TMPRSS2: variants seen among roughly 807,000 people sequenced by gnomAD.
TMPRSS2 encodes transmembrane serine protease 2, also known as transmembrane protease serine 2.
In TMPRSS2, 59 loss-of-function variants were observed where a neutral mutation model predicts 67.4. The observed-to-expected ratio is 0.88, with a 90% CI of 0.71 to 1.09. TMPRSS2 has a LOEUF of 1.09. Ranked by LOEUF, TMPRSS2 falls within the 50% of genes least tolerant of loss-of-function variation. The pLI, the probability that TMPRSS2 is intolerant of heterozygous loss-of-function variation, is 0.00. For synonymous variants in TMPRSS2, 257 were observed against 257.0 expected, an observed-to-expected ratio of 1.00 and a Z score of 0.00; for missense variants, 668 against 642.7, an observed-to-expected ratio of 1.04 and a Z score of -0.43.
At chr21:41,489,255 G>T (rs559363556) in intron 4 of TMPRSS2, among the ~76,000 whole-genome samples, 4 of 152,346 alleles carry the variant, frequency 2.6e-5, no homozygotes, top group African/African-American at 9.6e-5. Context: ...TGGCCCCAAG[G>T]TAGAAGAACC....
chr21:41,488,372 C>G (rs371531071), intron 5 of TMPRSS2, 22 bp downstream of exon 5: 1 of 1,604,368 alleles, frequency 6.2e-7, no homozygotes, highest in Non-Finnish European at 8.5e-7. Context: ...GGAGTCCCTT[C>G]CCAAGGTCAA....
chr21:41,492,389 C>T (rs1045683459), intron 3 of TMPRSS2, among the ~76,000 whole-genome samples: 3 of 152,278 alleles, frequency 2.0e-5, no homozygotes, highest in East Asian at 1.9e-4. Flanking sequence ...GCTGTGTGTT[C>T]GCTCCTACTC....
intron 11 of TMPRSS2, among the ~76,000 whole-genome samples, chr21:41,469,265 G>A (rs1344034095): frequency 1.3e-5 from 2 of 151,728 alleles, no homozygotes; most frequent in African/African-American, 4.8e-5. Flanking sequence ...CAGTAAGTCT[G>A]GTGGCTCTAG....
chr21:41,468,727 G>A (rs943514988), intron 11 of TMPRSS2, 189 bp from the exon 12 acceptor site: 2 of 600,836 alleles, frequency 3.3e-6, no homozygotes, highest in Non-Finnish European at 5.7e-6. Context: ...CTTACAACTG[G>A]CGGTGCCTGT....
chr21:41,508,076 C>G lies in TMPRSS2; in HGVS notation c.-57+5G>C, dbSNP rs1025974684. On this transcript the variant is annotated splice_donor_5th_base_variant and intron_variant, in intron 1 of 13. Transcript: ENST00000332149. The stretch of plus-strand genomic sequence containing the variant: ...AGCCGGGACCCTGGTACCGGCGCCG[C>G]TCACCTGCCGCGCTCCAGGCGGCGC... The G allele has an allele frequency of 3.1e-6, 4 of 1,278,510 alleles. No homozygotes were observed. Among genetic ancestry groups the G allele is most frequent in the South Asian group, 4.6e-5 (2 of 43,388 alleles). 79.2% of individuals were successfully genotyped at this position (1,278,510 alleles called of 1,614,324 possible).
intron 8 of TMPRSS2, among the ~76,000 whole-genome samples, chr21:41,475,622 TGAGTGAGGGTTGAGG>T: frequency 6.6e-5 from 1 of 15,094 alleles, no homozygotes; most frequent in Non-Finnish European, 1.6e-4. Flanking sequence ...GGTGAGGAGG[TGAGTGAGGGTTGAGG>T]GAGTGAGGAG....
intron 2 of TMPRSS2, among the ~76,000 whole-genome samples, chr21:41,496,031 T>A (rs1423349950): frequency 6.6e-6 from 1 of 152,220 alleles, no homozygotes; most frequent in Non-Finnish European, 1.5e-5. Flanking sequence ...TACTTTTAGT[T>A]CCTCCAGTCT....
rs376235035 is a variant in TMPRSS2 at position 41,494,172 on chromosome 21, C to T, written c.238+184G>A. ...CTGGGCAAGAGGCTAGGCCTGGCAG[C>T]GACAGCTTTGACCCAGCAGGAAGAG... On this transcript the variant is annotated intron_variant, in intron 3 of 13. Coordinates refer to ENST00000332149, the MANE Select transcript of TMPRSS2 (RefSeq NM_005656.4). Among the ~76,000 whole-genome samples, 163 of 152,284 alleles carry T rather than the reference C, an allele frequency of 1.1e-3. 1 individual carries two copies. Among genetic ancestry groups the T allele is most frequent in the Non-Finnish European group, 4.9e-4 (33 of 68,030 alleles).
intron 8 of TMPRSS2, 40 bp downstream of exon 8, chr21:41,476,537 T>A (rs749214858): frequency 1.0e-5 from 16 of 1,595,926 alleles, no homozygotes; most frequent in Non-Finnish European, 1.4e-5. Flanking sequence ...GAGCTTTTCC[T>A]AGTTAGAAGT....
Position 41,478,823 on chromosome 21 carries a change from G to A in TMPRSS2, c.683+349C>T, listed in dbSNP as rs1331574261. 6.6e-6 allele frequency among the ~76,000 whole-genome samples: 1 copy of A among 152,126 alleles called. No homozygotes were observed. Among genetic ancestry groups the A allele is most frequent in the Non-Finnish European group, 1.5e-5 (1 of 68,018 alleles). ...GGCTGGGACACTGAGACATTATCTT[G>A]GATTCCTAGAACCACGCCCTGACAA... On this transcript the variant is annotated intron_variant, in intron 7 of 13. Transcript: ENST00000332149. The surrounding 1 kb of genome is among the most constrained non-coding windows in gnomAD (Gnocchi z 4.0).
At position 41,473,480 on chromosome 21, in the gene TMPRSS2, C is replaced by A; in HGVS notation, c.744G>T (p.Leu248Phe). The change falls in exon 9 of 14, where the codon TTG (leucine) becomes TTT (phenylalanine). Residue 248 changes from leucine (L) to phenylalanine (F), a missense_variant. Leu to Phe is a conservative substitution (Grantham distance 22, BLOSUM62 0). Transcript: ENST00000332149. ...CAATCCTGCTCTGGCGGCTTGAGTT[C>A]AAGTTGACCCCGCAGGCTGAGGATG... Reference protein sequence around the residue: ...SLRCIACGVNLNSSRQSRIVG... With the variant: ...SLRCIACGVNFNSSRQSRIVG... 1 of 1,608,448 alleles carries A rather than the reference C, an allele frequency of 6.2e-7. No individual in the cohort carries two copies. Among genetic ancestry groups the A allele is most frequent in the Admixed American group, 1.7e-5 (1 of 59,670 alleles).
chr21:41,503,979 C>T (rs1448019146), intron 1 of TMPRSS2, among the ~76,000 whole-genome samples: 1 of 152,224 alleles, frequency 6.6e-6, no homozygotes. Context: ...CCCGCCAGGA[C>T]AGCCCCTTGG....
intron 1 of TMPRSS2, among the ~76,000 whole-genome samples, chr21:41,507,439 G>T (rs2091465844): frequency 6.6e-6 from 1 of 152,172 alleles, no homozygotes; most frequent in African/African-American, 2.4e-5. Flanking sequence ...GGCCTGAGTC[G>T]CGAGCAGTCC....
chr21:41,488,406 C>G lies in TMPRSS2; in HGVS notation c.433G>C (p.Glu145Gln). ...AAGGCTGACTCACCACACCGATTCT[C>G]GTCCTCCCCGCCGGGGCAGTGTGAC... The part of the protein sequence containing the change: ...GVSHCPGGED[E>Q]NRCVRLYGPN... Residue 145 changes from glutamate to glutamine, a missense_variant, in exon 5 of 14, where the codon GAG becomes CAG. By Grantham distance (29) the Glu-to-Gln change is conservative (BLOSUM62 2). Coordinates refer to ENST00000332149, the MANE Select transcript of TMPRSS2 (RefSeq NM_005656.4). 6.2e-7 allele frequency: 1 copy of G among 1,612,764 alleles called. No individual in the cohort carries two copies. Among genetic ancestry groups the G allele is most frequent in the Non-Finnish European group, 8.5e-7 (1 of 1,179,344 alleles).
At chr21:41,504,681 C>T (rs1218492423) in intron 1 of TMPRSS2, among the ~76,000 whole-genome samples, 1 of 152,124 alleles carries the variant, frequency 6.6e-6, no homozygotes, top group Non-Finnish European at 1.5e-5. Context: ...TCCACAGGCT[C>T]GGTGGGGCCA....
chr21:41,504,619 T>C (rs1163779222), intron 1 of TMPRSS2, among the ~76,000 whole-genome samples: 4 of 152,126 alleles, frequency 2.6e-5, no homozygotes, highest in Non-Finnish European at 5.9e-5. Context: ...GCCTGTGTGC[T>C]CAACCAAGCT....
At chr21:41,504,736 A>G (rs2091446081) in intron 1 of TMPRSS2, among the ~76,000 whole-genome samples, 1 of 151,760 alleles carries the variant, frequency 6.6e-6, no homozygotes, top group Non-Finnish European at 1.5e-5. Flanking sequence ...CCTTCTTCAC[A>G]CCCAGGCCCA....
intron 6 of TMPRSS2, among the ~76,000 whole-genome samples, chr21:41,479,767 T>C (rs1392528692): frequency 3.9e-5 from 6 of 152,184 alleles, no homozygotes; most frequent in South Asian, 4.2e-4. Flanking sequence ...TAAAGTTGCA[T>C]AGAAATCACC....
rs74605993 is a variant in TMPRSS2, at chr21:41,505,347, C to T, written c.-57+2734G>A. On this transcript the variant is annotated intron_variant, in intron 1 of 13. Coordinates refer to ENST00000332149, the MANE Select transcript of TMPRSS2 (RefSeq NM_005656.4). Reference sequence around the variant, plus strand: ...GAAGATCCCCTAGGGAATCTTGCCGCAGATTCAGGTGGAAAAGGGTAAGAG... The same window carrying T: ...GAAGATCCCCTAGGGAATCTTGCCGTAGATTCAGGTGGAAAAGGGTAAGAG... Among the ~76,000 whole-genome samples the T allele has an allele frequency of 4.8e-3, 730 of 152,278 alleles. 10 individuals are homozygous for T. Among genetic ancestry groups the T allele is most frequent in the African/African-American group, 0.016 (669 of 41,542 alleles).
Sources: gnomAD v4.1 joint callset for allele counts (sites outside exome capture counted in the v4.1 genomes callset) on GRCh38, gnomAD v4.1.1 for gene constraint, Gnocchi (gnomAD v3.1) non-coding constraint, MANE v1.5 for transcripts, NCBI Gene and HGNC (gene_info 2026-07-23, HGNC 2026-07-21) for gene names.